The following SAR1B variants were observed in gnomAD, a reference collection of about 807,000 sequenced individuals.
The protein encoded by SAR1B is secretion associated Ras related GTPase 1B.
SAR1B carries 23 observed loss-of-function variants against 26.8 expected under a neutral mutation model. The observed-to-expected ratio is 0.86, with a 90% CI of 0.62 to 1.22. The LOEUF is 1.22. SAR1B is among the 50% of genes most tolerant of loss of function. The pLI is 0.00. For synonymous variants in SAR1B, 65 were observed against 80.8 expected (o/e 0.80, Z 1.05); for missense variants, 196 against 232.8 (o/e 0.84, Z 1.03).
chr5:134,627,784 G>C (rs1765519253), intron 1 of SAR1B, among the ~76,000 whole-genome samples: 1 of 147,412 alleles, frequency 6.8e-6, no homozygotes, highest in Non-Finnish European at 1.5e-5. Context: ...GGGCGACAGA[G>C]CGAGACTCCA....
At chr5:134,629,696 CAAAA>C (rs1231594316) in intron 1 of SAR1B, among the ~76,000 whole-genome samples, 5 of 148,722 alleles carry the variant, frequency 3.4e-5, no homozygotes, top group African/African-American at 1.3e-4. Flanking sequence ...GACTCCATCT[CAAAA>C]AAACAAACAA....
intron 3 of SAR1B, among the ~76,000 whole-genome samples, chr5:134,615,240 A>G (rs1765288710): frequency 6.6e-6 from 1 of 150,876 alleles, no homozygotes; most frequent in Admixed American, 6.6e-5. Context: ...CCCAGCTACC[A>G]GGGAGGCTGA....
chr5:134,623,777 G>A (rs954239768), intron 2 of SAR1B, among the ~76,000 whole-genome samples, 185 bp downstream of exon 2: 2 of 152,046 alleles, frequency 1.3e-5, no homozygotes, highest in Non-Finnish European at 2.9e-5. Flanking sequence ...AAAGTAATTT[G>A]CCAAAGATTA....
At chr5:134,626,102 C>G (rs1361527131) in intron 1 of SAR1B, among the ~76,000 whole-genome samples, 1 of 151,738 alleles carries the variant, frequency 6.6e-6, no homozygotes, top group African/African-American at 2.4e-5. Context: ...AGTTCAAGAT[C>G]AGCCTGGCCA....
chr5:134,628,795 A>T (rs572225258), intron 1 of SAR1B, among the ~76,000 whole-genome samples: 1 of 152,140 alleles, frequency 6.6e-6, no homozygotes, highest in Admixed American at 6.6e-5. Context: ...CAGGGATTAC[A>T]GGCACCCACC....
chr5:134,621,126 A>G, intron 2 of SAR1B, 74 bp from the exon 3 acceptor site: 1 of 1,518,980 alleles, frequency 6.6e-7, no homozygotes, highest in Middle Eastern at 2.0e-4. Flanking sequence ...AATTTGGCCC[A>G]ATTAAGCTTG....
chr5:134,606,560 A>G lies in SAR1B; in HGVS notation c.*390T>C, dbSNP rs774953263. ...TACACTTAAGATAGGTGGACATATA[A>G]TCTAAAATTTAAAAACTAGTTCCAG... On this transcript the variant is annotated 3_prime_UTR_variant, in exon 7 of 7. Transcript: ENST00000402673. 1.7e-5 allele frequency: 4 copies of G among 234,062 alleles called. No individual in the cohort carries two copies. Among genetic ancestry groups the G allele is most frequent in the Non-Finnish European group, 3.4e-5 (4 of 116,032 alleles). The allele number at this position is 234,062 out of a possible 1,614,324, so 14.5% of individuals were successfully genotyped here.
intron 1 of SAR1B, among the ~76,000 whole-genome samples, chr5:134,628,093 C>T (rs1273232132): frequency 1.3e-5 from 2 of 151,124 alleles, no homozygotes; most frequent in Admixed American, 6.6e-5. Context: ...GAGCCGAGAT[C>T]GTGCCACTGC....
chr5:134,612,639 TCTAAAAAAAAAAAAAAAA>T, intron 4 of SAR1B, 34 bp downstream of exon 4: 2 of 974,386 alleles, frequency 2.1e-6, no homozygotes, highest in East Asian at 7.3e-5. Context: ...AGTGAGCCTG[TCTAAAAAAAAAAAAAAAA>T]AAAAAAAAAA....
rs903001975 is a variant in SAR1B, at chr5:134,605,496, A to C, written c.*1454T>G. ...AGGCTTGCAGGCCCTATCACATGGC[A>C]AGCATAATATCTAAAAACAAAAGTC... On this transcript the variant is annotated 3_prime_UTR_variant, in exon 7 of 7. Coordinates refer to ENST00000402673, the MANE Select transcript of SAR1B (RefSeq NM_016103.4). 6.6e-6 allele frequency: 1 copy of C among 152,054 alleles called. No homozygotes were observed. The highest frequency in any genetic ancestry group is 2.4e-5 in the African/African-American group (1 of 41,410). The allele number at this position is 152,054 out of a possible 1,614,324, so 9.4% of individuals were successfully genotyped here.
Position 134,605,205 on chromosome 5 carries a change from C to T in SAR1B, c.*1745G>A, listed in dbSNP as rs957049373. 5 of 152,264 alleles carry T rather than the reference C, an allele frequency of 3.3e-5. No individual in the cohort carries two copies. The East Asian group carries it at 7.7e-4, about 23-fold the overall frequency. 9.4% of individuals were successfully genotyped at this position (152,264 alleles called of 1,614,324 possible). A position where few individuals can be genotyped will look rare whatever the true frequency, so the allele number is the denominator to read the frequency against. The stretch of plus-strand genomic sequence containing the variant: ...TTATCAATGACAAAAAGGACTGTAA[C>T]TCTGACATGGACAATGGCTACAGAA... On this transcript the variant is annotated 3_prime_UTR_variant, in exon 7 of 7. Coordinates refer to ENST00000402673, the MANE Select transcript of SAR1B (RefSeq NM_016103.4).
chr5:134,625,362 G>A (rs1224806650), intron 1 of SAR1B, among the ~76,000 whole-genome samples: 1 of 152,112 alleles, frequency 6.6e-6, no homozygotes, highest in African/African-American at 2.4e-5. Flanking sequence ...GGAACATCCA[G>A]AATAGAAATG....
At chr5:134,619,157 C>G (rs377513546) in intron 3 of SAR1B, among the ~76,000 whole-genome samples, 138 of 151,076 alleles carry the variant, frequency 9.1e-4, no homozygotes, top group African/African-American at 3.3e-3. Flanking sequence ...TGTTGAAACC[C>G]CGTCTCTACT....
intron 3 of SAR1B, among the ~76,000 whole-genome samples, chr5:134,615,347 C>CAAAA (rs1169325540): frequency 9.1e-5 from 8 of 87,760 alleles, no homozygotes; most frequent in African/African-American, 3.4e-4. Context: ...GACTCCATCT[C>CAAAA]AAAAAAAAAA....
In SAR1B at chr5:134,606,868, T is replaced by C. The variant is rs1765136036; in HGVS notation, c.*82A>G. ...CTGTTTTATAACCAGCAAAAGTCTA[T>C]TGAATTCAAGTTATGCATGTTGAGC... On this transcript the variant is annotated 3_prime_UTR_variant, in exon 7 of 7. Transcript: ENST00000402673. The C allele has an allele frequency of 1.9e-5, 17 of 872,132 alleles. No homozygotes were observed. The highest frequency in any genetic ancestry group is 1.2e-4 in the South Asian group (9 of 75,970). The allele number at this position is 872,132 out of a possible 1,614,324, so 54.0% of individuals were successfully genotyped here. A position where few individuals can be genotyped will look rare whatever the true frequency, so the allele number is the denominator to read the frequency against.
intron 3 of SAR1B, chr5:134,614,566 AC>A (rs1267503760): frequency 6.6e-6 from 1 of 152,198 alleles, no homozygotes; most frequent in Non-Finnish European, 1.5e-5. Flanking sequence ...CAGCATTCTT[AC>A]AATTGTTCTT....
chr5:134,608,342 C>A (rs768135208), intron 6 of SAR1B, 30 bp downstream of exon 6: 1 of 1,525,238 alleles, frequency 6.6e-7, no homozygotes, highest in South Asian at 1.2e-5. Context: ...GAATTAAACA[C>A]ACCCATCATA....
At chr5:134,626,174 C>T (rs1416931853) in intron 1 of SAR1B, among the ~76,000 whole-genome samples, 4 of 151,498 alleles carry the variant, frequency 2.6e-5, no homozygotes, top group Non-Finnish European at 5.9e-5. Context: ...TGGTGCACAC[C>T]TGTAATCCCA....
intron 3 of SAR1B, among the ~76,000 whole-genome samples, chr5:134,619,621 C>T (rs1430475781): frequency 6.6e-6 from 1 of 152,074 alleles, no homozygotes; most frequent in African/African-American, 2.4e-5. Context: ...GCCTCAGCCT[C>T]CCAAAGTGCT....
Sources: allele counts gnomAD v4.1 joint callset (sites outside exome capture counted in the v4.1 genomes callset), GRCh38; gene constraint gnomAD v4.1.1; transcripts MANE v1.5; gene names NCBI Gene and HGNC (gene_info 2026-07-23, HGNC 2026-07-21).